FBN1: variants seen among roughly 807,000 people sequenced by gnomAD.
FBN1 encodes fibrillin-1.
Under a neutral mutation model 365.1 loss-of-function variants are expected in FBN1, and 29 were observed. The ratio of observed to expected loss-of-function variants is 0.08; its 90% CI spans 0.06 to 0.11. FBN1 has a LOEUF of 0.11. FBN1 is among the 10% of genes least tolerant of loss of function. The pLI is 1.00. For synonymous variants in FBN1, 1,210 were observed against 1,270.5 expected, an observed-to-expected ratio of 0.95 and a Z score of 1.01; for missense variants, 2,476 against 3,703.2, an observed-to-expected ratio of 0.67 and a Z score of 8.60.
At chr15:48,455,470 C>T (rs2043231795) in intron 44 of FBN1, among the ~76,000 whole-genome samples, 1 of 152,162 alleles carries the variant, frequency 6.6e-6, no homozygotes, top group Non-Finnish European at 1.5e-5. Context: ...AGGCAGGTGG[C>T]AGGCATGCTG....
At chr15:48,642,776 C>G (rs998860454) in intron 2 of FBN1, 9 of 151,990 alleles carry the variant, frequency 5.9e-5, no homozygotes, top group African/African-American at 2.2e-4. Context: ...TATTAATACC[C>G]TGTTTTTAGG....
intron 44 of FBN1, among the ~76,000 whole-genome samples, chr15:48,455,455 G>T (rs879131077): frequency 6.6e-6 from 1 of 152,194 alleles, no homozygotes; most frequent in Admixed American, 6.5e-5. Flanking sequence ...GGAGGAAAAT[G>T]CCACAGGCAG....
At chr15:48,464,822 T>C (rs1282029047) in intron 40 of FBN1, among the ~76,000 whole-genome samples, 3 of 152,188 alleles carry the variant, frequency 2.0e-5, no homozygotes, top group Admixed American at 1.3e-4. Context: ...CACTTCCAAA[T>C]GAAGGAGTTG....
chr15:48,484,049 A>C, intron 30 of FBN1, 106 bp from the exon 31 acceptor site: 2 of 1,140,460 alleles, frequency 1.8e-6, no homozygotes, highest in Admixed American at 1.8e-5. Flanking sequence ...TACTAGCATA[A>C]GACTATTAAC....
At chr15:48,432,585 T>C (rs980217139) in intron 55 of FBN1, among the ~76,000 whole-genome samples, 1 of 152,198 alleles carries the variant, frequency 6.6e-6, no homozygotes, top group Non-Finnish European at 1.5e-5. Flanking sequence ...GGGAAATGTC[T>C]TTTTCTTTCT....
At chr15:48,480,500 T>C (rs989582967) in intron 32 of FBN1, among the ~76,000 whole-genome samples, 6 of 152,268 alleles carry the variant, frequency 3.9e-5, no homozygotes, top group African/African-American at 1.2e-4. Context: ...AGGAGTAGCA[T>C]AGTGAAAATG....
At chr15:48,497,417 A>C in intron 18 of FBN1, 26 bp from the exon 19 acceptor site, 1 of 1,598,196 alleles carries the variant, frequency 6.3e-7, no homozygotes, top group Admixed American at 1.7e-5. Flanking sequence ...GGTCAAAATC[A>C]ATTAAGATTA....
intron 6 of FBN1, among the ~76,000 whole-genome samples, chr15:48,541,058 G>A (rs960694872): frequency 2.0e-5 from 3 of 151,742 alleles, no homozygotes; most frequent in Admixed American, 2.0e-4. Flanking sequence ...AGTTCTGTCT[G>A]CCACTGATTC....
At chr15:48,426,751 T>C (rs971259179) in intron 58 of FBN1, among the ~76,000 whole-genome samples, 1 of 152,206 alleles carries the variant, frequency 6.6e-6, no homozygotes, top group African/African-American at 2.4e-5. Context: ...GTGAGTTTTT[T>C]CGGCTATCTT....
chr15:48,488,581 T>A, intron 25 of FBN1, 88 bp from the exon 26 acceptor site: 2 of 1,478,444 alleles, frequency 1.4e-6, no homozygotes, highest in Non-Finnish European at 1.9e-6. Context: ...ATCATGAAGG[T>A]TGGAAGTTCT....
chr15:48,469,916 A>T (rs1451093333), intron 36 of FBN1, among the ~76,000 whole-genome samples: 2 of 151,992 alleles, frequency 1.3e-5, no homozygotes, highest in Non-Finnish European at 2.9e-5. Context: ...TGATCTGGAG[A>T]GCCCCTGAGT....
At position 48,410,944 on chromosome 15, in the gene FBN1, A is replaced by T; in HGVS notation, c.*46T>A. On this transcript the variant is annotated 3_prime_UTR_variant, in exon 66 of 66. Transcript: ENST00000316623. ...ATTGGGGGAAAATATAGTTCTACCT[A>T]TCTATATTTGTTTTTCTTTTAATTA... is the stretch of plus-strand genomic sequence containing the variant. The T allele has an allele frequency of 6.5e-7, 1 of 1,540,434 alleles. No individual in the cohort carries two copies.
At chr15:48,605,367 G>C (rs981967650) in intron 4 of FBN1, among the ~76,000 whole-genome samples, 1 of 152,084 alleles carries the variant, frequency 6.6e-6, no homozygotes, top group Non-Finnish European at 1.5e-5. Context: ...GACAATGAAA[G>C]CATGATCCAG....
At position 48,441,650 on chromosome 15, in the gene FBN1, A is replaced by G. The variant is rs936359733; in HGVS notation, c.6163+71T>C. 6 of 1,583,580 alleles carry G rather than the reference A, an allele frequency of 3.8e-6. No homozygotes were observed. In the African/African-American group the frequency reaches 5.4e-5, roughly 14 times the overall value. On this transcript the variant is annotated intron_variant, in intron 50 of 65. Coordinates refer to ENST00000316623, the MANE Select transcript of FBN1 (RefSeq NM_000138.5). ...GTTCACAAAGAAACAGAGCTTTGCC[A>G]TGTTTGAAAAATAAGACCACCACAA...
At chr15:48,605,167 T>C (rs568965843) in intron 4 of FBN1, among the ~76,000 whole-genome samples, 1 of 152,190 alleles carries the variant, frequency 6.6e-6, no homozygotes, top group South Asian at 2.1e-4. Context: ...ATCTACAGTT[T>C]TTACAGAAAA....
In FBN1 at chr15:48,463,275, G is replaced by A. The variant is rs77105137; in HGVS notation, c.5066-35C>T. ...AGGTAAAAAAAAGGATTGGAGGGTT[G>A]GTGATGCCATGTGGGAAATCACAAC... On this transcript the variant is annotated intron_variant, in intron 41 of 65. Transcript: ENST00000316623. The A allele has an allele frequency of 0.084, 134,020 of 1,604,986 alleles. 6,275 individuals are homozygous for A. The highest frequency in any genetic ancestry group is 0.15 in the Middle Eastern group (914 of 6,050).
At chr15:48,446,850 C>T (rs1192870593) in intron 46 of FBN1, 28 bp from the exon 47 acceptor site, 12 of 1,458,012 alleles carry the variant, frequency 8.2e-6, no homozygotes, top group Admixed American at 1.7e-5. Flanking sequence ...CATAAAGAAA[C>T]ATAATTATAA....
At chr15:48,575,745 G>C (rs867048424) in intron 6 of FBN1, among the ~76,000 whole-genome samples, 7 of 149,802 alleles carry the variant, frequency 4.7e-5, no homozygotes, top group Middle Eastern at 6.9e-3. Flanking sequence ...CCAAAGCAAA[G>C]ATATAGAATC....
At chr15:48,583,935 A>C (rs2044416307) in intron 6 of FBN1, among the ~76,000 whole-genome samples, 1 of 152,174 alleles carries the variant, frequency 6.6e-6, no homozygotes, top group Non-Finnish European at 1.5e-5. Flanking sequence ...GTTGGGTTTC[A>C]TCTGAATAGG....
Sources: allele counts gnomAD v4.1 joint callset (sites outside exome capture counted in the v4.1 genomes callset), GRCh38; gene constraint gnomAD v4.1.1; transcripts MANE v1.5; gene names NCBI Gene and HGNC (gene_info 2026-07-23, HGNC 2026-07-21).